The following TAFA3 variants were observed in gnomAD, a reference collection of about 807,000 sequenced individuals.
TAFA3 encodes the protein TAFA chemokine like family member 3.
TAFA3 carries 17 observed loss-of-function variants against 20.7 expected under a neutral mutation model. That is an observed-to-expected ratio of 0.82 (90% CI 0.56 to 1.23). The LOEUF is 1.23. TAFA3 is among the 50% of genes most tolerant of loss of function. TAFA3 has a pLI of 0.00. For synonymous variants in TAFA3, 74 were observed against 71.8 expected (o/e 1.03, Z -0.16); for missense variants, 174 against 172.8 (o/e 1.01, Z -0.04).
intron 3 of TAFA3, among the ~76,000 whole-genome samples, 176 bp downstream of exon 3, chr1:112,722,524 T>C (rs1320570882): frequency 1.3e-5 from 2 of 152,102 alleles, no homozygotes; most frequent in Non-Finnish European, 2.9e-5. Flanking sequence ...CCACCCCAGC[T>C]GTCCCGCCCC....
At chr1:112,720,287 C>T (rs77098839) in intron 1 of TAFA3, 1 of 152,290 alleles carries the variant, frequency 6.6e-6, no homozygotes, top group African/African-American at 2.4e-5. Context: ...GATTCTTAGA[C>T]CCCTCCCTAC....
intron 3 of TAFA3, 149 bp downstream of exon 3, chr1:112,722,497 T>G: frequency 1.5e-6 from 1 of 676,402 alleles, no homozygotes; most frequent in African/African-American, 1.8e-5. Context: ...CTCTGCTCTT[T>G]ACCCAGGAAT....
intron 5 of TAFA3, among the ~76,000 whole-genome samples, chr1:112,724,493 A>T (rs1333676053): frequency 1.3e-5 from 2 of 151,696 alleles, no homozygotes; most frequent in Non-Finnish European, 2.9e-5. Context: ...AGGGACATGG[A>T]TGAAATTGGA....
At chr1:112,724,797 A>C (rs577346337) in intron 5 of TAFA3, among the ~76,000 whole-genome samples, 16 of 146,114 alleles carry the variant, frequency 1.1e-4, no homozygotes, top group South Asian at 2.3e-4. Flanking sequence ...AAAAAAAAAA[A>C]AACAACATAT....
At chr1:112,719,494 A>G (rs1675279165) in intron 1 of TAFA3, among the ~76,000 whole-genome samples, 195 bp downstream of exon 1, 1 of 152,212 alleles carries the variant, frequency 6.6e-6, no homozygotes, top group Admixed American at 6.5e-5. Flanking sequence ...AAATTGAGGC[A>G]GGAGCATGGA....
At chr1:112,724,476 C>T (rs984795292) in intron 5 of TAFA3, among the ~76,000 whole-genome samples, 1 of 151,694 alleles carries the variant, frequency 6.6e-6, no homozygotes, top group Non-Finnish European at 1.5e-5. Context: ...GAGTTCATGT[C>T]CTTTGTAGGG....
At position 112,726,707 on chromosome 1, in the gene TAFA3, T is replaced by A. The variant is rs779766091; in HGVS notation, c.*67T>A. 6.8e-6 allele frequency: 11 copies of A among 1,612,924 alleles called. No individual in the cohort carries two copies. Among genetic ancestry groups the A allele is most frequent in the Non-Finnish European group, 9.3e-6 (11 of 1,179,038 alleles). ...CCGTGAACTGAAGAATGGTATCCAGTCATCAGCCAGGAAAGATGGGGATTC... is the reference window on the plus strand; with the variant it reads ...CCGTGAACTGAAGAATGGTATCCAGACATCAGCCAGGAAAGATGGGGATTC... On this transcript the variant is annotated 3_prime_UTR_variant, in exon 6 of 6. Coordinates refer to ENST00000361886, the MANE Select transcript of TAFA3 (RefSeq NM_182759.3).
intron 5 of TAFA3, among the ~76,000 whole-genome samples, chr1:112,726,029 T>C (rs938527964): frequency 2.6e-5 from 4 of 152,024 alleles, no homozygotes; most frequent in Non-Finnish European, 4.4e-5. Context: ...CCCAGCTACT[T>C]GGGAGGCTGA....
rs141633579 is a variant in TAFA3 at position 112,723,412 on chromosome 1, G to T, written c.265+247G>T. On this transcript the variant is annotated intron_variant, in intron 4 of 5. Coordinates refer to ENST00000361886, the MANE Select transcript of TAFA3 (RefSeq NM_182759.3). ...GTGCCCTCTGCCTGTTGCACACACAGGAGCGTTCCCTCACACAGCCCCACT... is the reference window on the plus strand; with the variant it reads ...GTGCCCTCTGCCTGTTGCACACACATGAGCGTTCCCTCACACAGCCCCACT... Among the ~76,000 whole-genome samples, 450 of 152,216 alleles carry T rather than the reference G, an allele frequency of 3.0e-3. 6 individuals are homozygous for T. Among genetic ancestry groups the T allele is most frequent in the African/African-American group, 0.01 (425 of 41,534 alleles).
intron 2 of TAFA3, 130 bp downstream of exon 2, chr1:112,720,764 G>C (rs1675308334): frequency 6.6e-6 from 1 of 152,354 alleles, no homozygotes; most frequent in Non-Finnish European, 1.5e-5. Context: ...TGGCACTTGT[G>C]GGGGCCCAGC....
intron 2 of TAFA3, among the ~76,000 whole-genome samples, chr1:112,721,663 C>T (rs1675332334): frequency 6.6e-6 from 1 of 152,158 alleles, no homozygotes; most frequent in Admixed American, 6.6e-5. Flanking sequence ...CTTTTTTTCC[C>T]CCTTAACAGT....
chr1:112,725,210 A>C (rs1052117016), intron 5 of TAFA3, among the ~76,000 whole-genome samples: 2 of 152,104 alleles, frequency 1.3e-5, no homozygotes, highest in African/African-American at 4.8e-5. Flanking sequence ...GGAACAGTGG[A>C]CGATGGTGAC....
chr1:112,722,353 G>C lies in TAFA3; in HGVS notation c.115+5G>C, dbSNP rs749695333. On this transcript the variant is annotated splice_donor_5th_base_variant and intron_variant, in intron 3 of 5. Transcript: ENST00000361886. ...TGCAGCCTCCCACTGCCACAGGTTT[G>C]GAGGAGGTGGCAGGGCCCGGGGAGG... The C allele has an allele frequency of 1.1e-5, 17 of 1,612,210 alleles. No individual in the cohort carries two copies. The South Asian group carries it at 1.9e-4, about 18-fold the overall frequency.
rs573009187 is a variant in TAFA3 at position 112,721,628 on chromosome 1, C to T, written c.-1-605C>T. Among the ~76,000 whole-genome samples the T allele has an allele frequency of 1.5e-3, 227 of 152,276 alleles. 2 individuals carry two copies. The highest frequency in any genetic ancestry group is 2.2e-3 in the Non-Finnish European group (151 of 68,014). ...CACTCCTGGCCTGCCTTATACACATCGTATACACACCATTCTACACTTTGC... is the reference window on the plus strand; with the variant it reads ...CACTCCTGGCCTGCCTTATACACATTGTATACACACCATTCTACACTTTGC... On this transcript the variant is annotated intron_variant, in intron 2 of 5. Coordinates refer to ENST00000361886, the MANE Select transcript of TAFA3 (RefSeq NM_182759.3).
intron 5 of TAFA3, 65 bp from the exon 6 acceptor site, chr1:112,726,564 C>T (rs992602738): frequency 1.7e-5 from 27 of 1,567,310 alleles, no homozygotes; most frequent in Non-Finnish European, 2.2e-5. Context: ...TCTGGGTAGT[C>T]TCTGGCATGC....
Position 112,722,293 on chromosome 1 carries a change from G to A in TAFA3, c.60G>A (p.Leu20=), listed in dbSNP as rs374135093. ...GCGGCTGGCTGCTGGCACTGTGCCT[G>A]GCCTGGCTGTGGACCCACCTGACCT... ...STGGWLLALC[L]AWLWTHLTLA... Residue 20 remains leucine (L), a synonymous_variant, in exon 3 of 6, where the codon CTG becomes CTA. Transcript: ENST00000361886. 11 of 1,613,956 alleles carry A rather than the reference G, an allele frequency of 6.8e-6. No individual in the cohort carries two copies. The African/African-American group carries it at 1.2e-4, about 18-fold the overall frequency.
chr1:112,722,792 C>T (rs111737391), intron 3 of TAFA3, among the ~76,000 whole-genome samples: 3,076 of 152,232 alleles, frequency 0.02, 112 homozygotes, highest in African/African-American at 0.07. Context: ...AGGGGCCGTG[C>T]TCTGCCAAAG....
chr1:112,727,031 C>T lies in TAFA3; in HGVS notation c.*391C>T, dbSNP rs1570857583. 2 of 230,176 alleles carry T rather than the reference C, an allele frequency of 8.7e-6. No individual in the cohort carries two copies. The highest frequency in any genetic ancestry group is 1.7e-5 in the Non-Finnish European group (2 of 116,070). The allele number at this position is 230,176 out of a possible 1,614,324, so 14.3% of individuals were successfully genotyped here. ...GAGATTCCCACAGTTCTTCAGATAC[C>T]CTGTGGCCACAGGGCATAGAAACAA... On this transcript the variant is annotated 3_prime_UTR_variant, in exon 6 of 6. Coordinates refer to ENST00000361886, the MANE Select transcript of TAFA3 (RefSeq NM_182759.3).
chr1:112,724,267 A>G (rs921767060), intron 5 of TAFA3, 130 bp downstream of exon 5: 2 of 856,848 alleles, frequency 2.3e-6, no homozygotes, highest in Non-Finnish European at 3.5e-6. Context: ...TGAAATTCAC[A>G]GACAGTCCTC....
Sources: allele counts gnomAD v4.1 joint callset (sites outside exome capture counted in the v4.1 genomes callset), GRCh38; gene constraint gnomAD v4.1.1; transcripts MANE v1.5; gene names NCBI Gene and HGNC (gene_info 2026-07-23, HGNC 2026-07-21).